Variants in CHRM5 observed in about 807,000 individuals in gnomAD.
CHRM5 encodes muscarinic acetylcholine receptor M5.
CHRM5 carries 18 observed loss-of-function variants against 39.0 expected under a neutral mutation model. The observed-to-expected ratio is 0.46, with a 90% CI of 0.32 to 0.68. The LOEUF is 0.68. Among genes scored for constraint, CHRM5 ranks in the 30% least tolerant of loss-of-function variants. The probability of loss-of-function intolerance (pLI) is 0.04; values close to 1 mark genes in which losing one functional copy is unlikely to be tolerated. For missense variants in CHRM5, 515 were observed against 651.1 expected, an observed-to-expected ratio of 0.79 and a Z score of 2.28; for synonymous variants, 241 against 246.3, an observed-to-expected ratio of 0.98 and a Z score of 0.20.
At chr15:34,034,665 T>C (rs1430417905) in intron 1 of CHRM5, among the ~76,000 whole-genome samples, 1 of 152,114 alleles carries the variant, frequency 6.6e-6, no homozygotes, top group African/African-American at 2.4e-5. Flanking sequence ...GTGTTGATAT[T>C]GAAAATATGT....
chr15:34,025,813 AAGAC>A (rs1898441794), intron 1 of CHRM5, among the ~76,000 whole-genome samples: 2 of 151,890 alleles, frequency 1.3e-5, no homozygotes, highest in Non-Finnish European at 2.9e-5. Flanking sequence ...GAAGGAGAAA[AAGAC>A]AGGCACTGGA....
intron 1 of CHRM5, among the ~76,000 whole-genome samples, chr15:33,982,654 T>A (rs1393426816): frequency 6.6e-6 from 1 of 152,166 alleles, no homozygotes; most frequent in Non-Finnish European, 1.5e-5. Context: ...AATTTTTGAA[T>A]TTAGTAATGG....
intron 2 of CHRM5, among the ~76,000 whole-genome samples, chr15:34,060,814 G>A (rs975604834): frequency 6.6e-6 from 1 of 152,146 alleles, no homozygotes; most frequent in African/African-American, 2.4e-5. Flanking sequence ...AGGTTGCAGT[G>A]AGCCGAGATG....
intron 1 of CHRM5, among the ~76,000 whole-genome samples, chr15:34,038,293 G>A (rs112381581): frequency 1.3e-5 from 2 of 152,092 alleles, no homozygotes; most frequent in Non-Finnish European, 2.9e-5. Flanking sequence ...TTTATTATGC[G>A]CCTACTGTGT....
rs1899308929 is a variant in CHRM5 at position 34,038,878 on chromosome 15, G to A, written c.-407-7662G>A. 6.1e-6 allele frequency: 7 copies of A among 1,140,474 alleles called. No homozygotes were observed. In the South Asian group the frequency reaches 1.2e-4, roughly 20 times the overall value. The allele number at this position is 1,140,474 out of a possible 1,614,324, so 70.6% of individuals were successfully genotyped here. ...CCTCCGCGAGCGCCGCGGAAGCCCC[G>A]GCCACGGCCACGGCCCCGGCGTCCG... On this transcript the variant is annotated intron_variant, in intron 1 of 2. Coordinates refer to ENST00000383263, the MANE Select transcript of CHRM5 (RefSeq NM_012125.4).
At position 33,983,321 on chromosome 15, in the gene CHRM5, A is replaced by C. The variant is rs984273642; in HGVS notation, c.-408+14171A>C. Among the ~76,000 whole-genome samples the C allele has an allele frequency of 2.0e-5, 3 of 151,900 alleles. No individual in the cohort carries two copies. In the East Asian group the frequency reaches 5.8e-4, roughly 29 times the overall value. ...TTTTGTAACTGATTAATGAGGAAGA[A>C]ATTAAAATCAATTATTGATGTTTCA... is the stretch of plus-strand genomic sequence containing the variant. On this transcript the variant is annotated intron_variant, in intron 1 of 2. Coordinates refer to ENST00000383263, the MANE Select transcript of CHRM5 (RefSeq NM_012125.4).
At chr15:34,016,742 G>C (rs911602115) in intron 1 of CHRM5, among the ~76,000 whole-genome samples, 1 of 152,128 alleles carries the variant, frequency 6.6e-6, no homozygotes, top group East Asian at 1.9e-4. Context: ...TTAAACCAGC[G>C]TAACCGTTTG....
chr15:34,049,784 G>A (rs910630404), intron 2 of CHRM5, among the ~76,000 whole-genome samples: 1 of 151,690 alleles, frequency 6.6e-6, no homozygotes, highest in African/African-American at 2.4e-5. Flanking sequence ...CAGCCAGAGA[G>A]AAGGGCCAGT....
At chr15:34,017,484 G>GTTTTT (rs60119659) in intron 1 of CHRM5, among the ~76,000 whole-genome samples, 1,222 of 107,304 alleles carry the variant, frequency 0.011, 55 homozygotes, top group South Asian at 0.036. Context: ...TTTTTTTTTT[G>GTTTTT]TTTTTTTTTT....
In CHRM5 at chr15:34,031,588, G is replaced by C. The variant is rs1898830379; in HGVS notation, c.-407-14952G>C. On this transcript the variant is annotated intron_variant, in intron 1 of 2. Coordinates refer to ENST00000383263, the MANE Select transcript of CHRM5 (RefSeq NM_012125.4). Reference sequence around the variant, plus strand: ...GTCCTTAATGGCAAGAGGACTCAAAGGTAGAATTAAGTTTTTACAACAGGG... The same window carrying C: ...GTCCTTAATGGCAAGAGGACTCAAACGTAGAATTAAGTTTTTACAACAGGG... Among the ~76,000 whole-genome samples the C allele has an allele frequency of 2.6e-5, 4 of 152,090 alleles. No homozygotes were observed. In the South Asian group the frequency reaches 8.3e-4, roughly 32 times the overall value.
In CHRM5 at chr15:34,066,069, A is replaced by G. The variant is rs1438485540; in HGVS notation, c.*1753A>G. On this transcript the variant is annotated 3_prime_UTR_variant, in exon 3 of 3. Coordinates refer to ENST00000383263, the MANE Select transcript of CHRM5 (RefSeq NM_012125.4). ...TCAGGGTAGTAGAATCTCAGGCAGGACGGGACTGGTCCCTTATAAAGACTT... is the reference window on the plus strand; with the variant it reads ...TCAGGGTAGTAGAATCTCAGGCAGGGCGGGACTGGTCCCTTATAAAGACTT... 1 of 152,288 alleles carries G rather than the reference A, an allele frequency of 6.6e-6. No individual in the cohort carries two copies. Among genetic ancestry groups the G allele is most frequent in the African/African-American group, 2.4e-5 (1 of 41,476 alleles). 9.4% of individuals were successfully genotyped at this position (152,288 alleles called of 1,614,324 possible). A position where few individuals can be genotyped will look rare whatever the true frequency, so the allele number is the denominator to read the frequency against.
At chr15:34,014,037 G>A (rs1035259543) in intron 1 of CHRM5, among the ~76,000 whole-genome samples, 7 of 151,840 alleles carry the variant, frequency 4.6e-5, no homozygotes, top group East Asian at 3.9e-4. Flanking sequence ...AACAAAACCC[G>A]GGGAGATCAA....
chr15:34,012,144 A>G (rs1597348144), intron 1 of CHRM5, among the ~76,000 whole-genome samples: 1 of 152,248 alleles, frequency 6.6e-6, no homozygotes, highest in Non-Finnish European at 1.5e-5. Context: ...AAAGTCTATG[A>G]GCTAGATTAC....
chr15:33,975,510 A>C (rs1023158561), intron 1 of CHRM5, among the ~76,000 whole-genome samples: 1 of 152,270 alleles, frequency 6.6e-6, no homozygotes, highest in Non-Finnish European at 1.5e-5. Flanking sequence ...GGAATATTCC[A>C]GAAGTAACTA....
At chr15:34,052,805 T>C (rs2140829496) in intron 2 of CHRM5, among the ~76,000 whole-genome samples, 1 of 152,226 alleles carries the variant, frequency 6.6e-6, no homozygotes, top group South Asian at 2.1e-4. Flanking sequence ...GAAGGACCTC[T>C]TCAAGGAGAA....
chr15:33,988,331 C>A (rs1800219612), intron 1 of CHRM5, among the ~76,000 whole-genome samples: 1 of 152,274 alleles, frequency 6.6e-6, no homozygotes, highest in Middle Eastern at 3.4e-3. Context: ...GCCAGGCATA[C>A]TTAAGTTTGA....
At chr15:34,048,834 A>G (rs563171476) in intron 2 of CHRM5, among the ~76,000 whole-genome samples, 3 of 152,288 alleles carry the variant, frequency 2.0e-5, no homozygotes, top group Non-Finnish European at 1.5e-5. Context: ...CCTCCAAAGG[A>G]AGGAGCAGTC....
At chr15:34,043,616 A>T (rs1034676007) in intron 1 of CHRM5, among the ~76,000 whole-genome samples, 1 of 152,174 alleles carries the variant, frequency 6.6e-6, no homozygotes, top group Non-Finnish European at 1.5e-5. Context: ...GGTGGAGAAA[A>T]GGGAAAGTGA....
chr15:33,982,472 A>T (rs934281415), intron 1 of CHRM5, among the ~76,000 whole-genome samples: 1 of 152,236 alleles, frequency 6.6e-6, no homozygotes, highest in Non-Finnish European at 1.5e-5. Context: ...TATTTTCTGG[A>T]GCAAAGCAAT....
Sources: allele counts gnomAD v4.1 joint callset (sites outside exome capture counted in the v4.1 genomes callset), GRCh38; gene constraint gnomAD v4.1.1; transcripts MANE v1.5; gene names NCBI Gene and HGNC (gene_info 2026-07-23, HGNC 2026-07-21).